DENND2B: variants seen among roughly 807,000 people sequenced by gnomAD.
DENND2B encodes the protein DENN domain containing 2B.
In DENND2B, 32 loss-of-function variants were observed where a neutral mutation model predicts 116.0. The ratio of observed to expected loss-of-function variants is 0.28; its 90% CI spans 0.21 to 0.37. DENND2B has a LOEUF of 0.37. DENND2B is among the 10% of genes least tolerant of loss of function. The pLI, the probability that DENND2B is intolerant of heterozygous loss-of-function variation, is 1.00. For missense variants in DENND2B, 1,276 were observed against 1,477.7 expected (o/e 0.86, Z 2.24); for synonymous variants, 588 against 583.9 (o/e 1.01, Z -0.10).
intron 1 of DENND2B, among the ~76,000 whole-genome samples, chr11:8,777,716 C>T (rs2057896743): frequency 6.6e-6 from 1 of 152,178 alleles, no homozygotes; most frequent in Non-Finnish European, 1.5e-5. Flanking sequence ...AGAAGAGGCT[C>T]TCTTGATGTA....
At chr11:8,724,752 C>T (rs1565733180) in intron 4 of DENND2B, among the ~76,000 whole-genome samples, 1 of 152,330 alleles carries the variant, frequency 6.6e-6, no homozygotes, top group East Asian at 1.9e-4. Flanking sequence ...GGTATTTATA[C>T]AGCAAACAGC....
At chr11:8,892,002 C>T (rs1024996130) in intron 1 of DENND2B, among the ~76,000 whole-genome samples, 1 of 152,172 alleles carries the variant, frequency 6.6e-6, no homozygotes, top group Admixed American at 6.6e-5. Context: ...TAAAGCACTC[C>T]TCAGCAAATG....
intron 1 of DENND2B, among the ~76,000 whole-genome samples, chr11:8,896,810 A>G (rs776071029): frequency 6.6e-6 from 1 of 152,262 alleles, no homozygotes. Flanking sequence ...CTAAGATACG[A>G]TGTTTTCAGA....
chr11:8,772,935 T>C (rs558804028), intron 1 of DENND2B, among the ~76,000 whole-genome samples: 2 of 152,250 alleles, frequency 1.3e-5, no homozygotes, highest in African/African-American at 2.4e-5. Flanking sequence ...CTTTCTGTCT[T>C]TCCTTCCCCT....
intron 3 of DENND2B, among the ~76,000 whole-genome samples, chr11:8,728,106 C>CTA (rs573427601): frequency 5.3e-4 from 81 of 152,148 alleles, no homozygotes; most frequent in African/African-American, 1.9e-3. Flanking sequence ...TGGGCTCAAG[C>CTA]TATCCTCCCT....
Position 8,707,891 on chromosome 11 carries a change from C to A in DENND2B, c.2353-37G>T. 1 of 1,586,852 alleles carries A rather than the reference C, an allele frequency of 6.3e-7. No individual in the cohort carries two copies. The highest frequency in any genetic ancestry group is 8.6e-7 in the Non-Finnish European group (1 of 1,166,884). On this transcript the variant is annotated intron_variant, in intron 11 of 19. Coordinates refer to ENST00000313726, the MANE Select transcript of DENND2B (RefSeq NM_213618.2). The surrounding 1 kb of genome is among the most constrained non-coding windows in gnomAD (Gnocchi z 4.8). ...CAAGGAGGAGGAGGAGAGAGACAGA[C>A]ACAGAGAATGCATGATTACCATTTC...
chr11:8,698,868 G>A, intron 16 of DENND2B, 65 bp downstream of exon 16: 1 of 1,573,624 alleles, frequency 6.4e-7, no homozygotes, highest in Non-Finnish European at 8.7e-7. Flanking sequence ...TGTGAAGGTT[G>A]AGTAGTGTGT....
intron 4 of DENND2B, among the ~76,000 whole-genome samples, chr11:8,838,737 G>A (rs972403501): frequency 6.6e-6 from 1 of 152,210 alleles, no homozygotes; most frequent in Non-Finnish European, 1.5e-5. Flanking sequence ...CTAAAGATAG[G>A]ATTGTAGGTC....
chr11:8,735,128 A>C (rs1244123225), intron 2 of DENND2B, among the ~76,000 whole-genome samples: 1 of 151,460 alleles, frequency 6.6e-6, no homozygotes, highest in Non-Finnish European at 1.5e-5. Context: ...ATTTGCTTTG[A>C]GTATAATACA....
intron 4 of DENND2B, among the ~76,000 whole-genome samples, chr11:8,722,857 G>T (rs2046425197): frequency 6.6e-6 from 1 of 152,028 alleles, no homozygotes; most frequent in Non-Finnish European, 1.5e-5. Flanking sequence ...CCTTTCTCCT[G>T]CATCCTCCCC....
At chr11:8,888,185 G>A (rs1569408) in intron 1 of DENND2B, among the ~76,000 whole-genome samples, 51,435 of 151,946 alleles carry the variant, frequency 0.34, 10,402 homozygotes, top group Non-Finnish European at 0.44. Context: ...GGTCAATTTC[G>A]GCTCTTAGTG....
At chr11:8,743,726 T>C (rs141911423) in intron 2 of DENND2B, among the ~76,000 whole-genome samples, 12 of 151,362 alleles carry the variant, frequency 7.9e-5, no homozygotes, top group African/African-American at 2.9e-4. Flanking sequence ...GAAATCCAAA[T>C]CGAAGTGGAG....
At chr11:8,769,932 A>G (rs2056566122) in intron 1 of DENND2B, among the ~76,000 whole-genome samples, 1 of 152,184 alleles carries the variant, frequency 6.6e-6, no homozygotes, top group Admixed American at 6.5e-5. Context: ...GGAGTTCAAG[A>G]CCAGCCTGGG....
intron 4 of DENND2B, among the ~76,000 whole-genome samples, chr11:8,724,291 G>A (rs1457093832): frequency 1.8e-4 from 27 of 150,338 alleles, no homozygotes; most frequent in East Asian, 1.4e-3. Context: ...GCGAGACTCC[G>A]TCTCAAAAAA....
intron 4 of DENND2B, among the ~76,000 whole-genome samples, chr11:8,833,572 T>C (rs568282995): frequency 6.6e-6 from 1 of 152,194 alleles, no homozygotes; most frequent in East Asian, 1.9e-4. Context: ...AAAGCTTTGT[T>C]CGGGAAGCCA....
intron 6 of DENND2B, 160 bp downstream of exon 6, chr11:8,715,443 A>G (rs1267774949): frequency 1.5e-6 from 1 of 652,966 alleles, no homozygotes; most frequent in East Asian, 2.8e-5. Flanking sequence ...GGAATTAATC[A>G]GATGAAAAAG....
At chr11:8,742,092 G>A (rs2050323472) in intron 2 of DENND2B, among the ~76,000 whole-genome samples, 1 of 152,132 alleles carries the variant, frequency 6.6e-6, no homozygotes, top group African/African-American at 2.4e-5. Context: ...TAGAGACAGG[G>A]TCTTGCTATG....
At chr11:8,891,485 T>A (rs2064032601) in intron 1 of DENND2B, among the ~76,000 whole-genome samples, 1 of 152,164 alleles carries the variant, frequency 6.6e-6, no homozygotes, top group Admixed American at 6.5e-5. Context: ...TGTGCTGTAT[T>A]CAGGAGACCC....
chr11:8,829,733 C>T (rs1435496737), intron 4 of DENND2B, among the ~76,000 whole-genome samples: 1 of 152,122 alleles, frequency 6.6e-6, no homozygotes, highest in Non-Finnish European at 1.5e-5. Flanking sequence ...GCCTATATCA[C>T]GGGTCCCGCC....
Sources: allele counts gnomAD v4.1 joint callset (sites outside exome capture counted in the v4.1 genomes callset), GRCh38; gene constraint gnomAD v4.1.1; non-coding constraint Gnocchi (gnomAD v3.1); transcripts MANE v1.5; gene names NCBI Gene and HGNC (gene_info 2026-07-23, HGNC 2026-07-21).